The following LOC400499 variants were observed in gnomAD, a reference collection of about 807,000 sequenced individuals.
At chr16:11,457,984 C>T in the LOC400499 span, among the ~76,000 whole-genome samples, 3 of 152,176 alleles carry the variant, frequency 2.0e-5, no homozygotes, top group Admixed American at 1.3e-4. Context: ...GGTGGATCAC[C>T]TGGGTTCAGG....
At chr16:11,443,549 T>C in the LOC400499 span, 4 of 318,236 alleles carry the variant, frequency 1.3e-5, no homozygotes, top group Non-Finnish European at 2.4e-5. Flanking sequence ...GCTCCATAAA[T>C]GCTTGCTGAA....
the LOC400499 span, among the ~76,000 whole-genome samples, chr16:11,395,016 A>C: frequency 0.028 from 4,279 of 152,330 alleles, 220 homozygotes; most frequent in African/African-American, 0.097. Context: ...GAGGAGATCC[A>C]AGTTGGTAAT....
chr16:11,525,912 C>A, the LOC400499 span, among the ~76,000 whole-genome samples: 1 of 152,330 alleles, frequency 6.6e-6, no homozygotes, highest in African/African-American at 2.4e-5. Context: ...GTAATAAATT[C>A]TTCAATCAGA....
the LOC400499 span, among the ~76,000 whole-genome samples, chr16:11,464,679 C>G: frequency 6.6e-6 from 1 of 152,240 alleles, no homozygotes; most frequent in Admixed American, 6.5e-5. Flanking sequence ...GACCTCCTGT[C>G]TGCTGAAACA....
At chr16:11,419,744 T>C in the LOC400499 span, among the ~76,000 whole-genome samples, 1 of 151,966 alleles carries the variant, frequency 6.6e-6, no homozygotes, top group Non-Finnish European at 1.5e-5. Flanking sequence ...TGAACTCAAA[T>C]TTACAAGAAA....
At chr16:11,490,267 G>A in the LOC400499 span, among the ~76,000 whole-genome samples, 1 of 151,968 alleles carries the variant, frequency 6.6e-6, no homozygotes, top group African/African-American at 2.4e-5. Flanking sequence ...ATGGTGGTGT[G>A]CAGCTGTAAT....
chr16:11,386,553 A>G, the LOC400499 span, among the ~76,000 whole-genome samples: 14 of 152,316 alleles, frequency 9.2e-5, no homozygotes, highest in Admixed American at 6.5e-4. Flanking sequence ...GGGTTCCCCC[A>G]TAGACATGAG....
chr16:11,471,459 G>C, the LOC400499 span: 1 of 392,556 alleles, frequency 2.5e-6, no homozygotes, highest in East Asian at 3.6e-5. Context: ...CCTAAAGACT[G>C]ATTCAGAGTT....
the LOC400499 span, chr16:11,448,901 G>A: frequency 2.1e-6 from 3 of 1,449,258 alleles, no homozygotes; most frequent in South Asian, 1.3e-5. Flanking sequence ...TGGCTGCACG[G>A]GCCTCCTGGG....
the LOC400499 span, among the ~76,000 whole-genome samples, chr16:11,373,295 C>T: frequency 2.0e-5 from 3 of 152,172 alleles, no homozygotes; most frequent in Non-Finnish European, 2.9e-5. Context: ...AGCTACCAGG[C>T]AAAGGAAGTG....
the LOC400499 span, among the ~76,000 whole-genome samples, chr16:11,522,825 C>T: frequency 1.3e-5 from 2 of 152,220 alleles, no homozygotes; most frequent in African/African-American, 4.8e-5. Flanking sequence ...TAAAGCTGCC[C>T]AGCCTTGGGG....
the LOC400499 span, among the ~76,000 whole-genome samples, chr16:11,400,136 G>A: frequency 6.6e-6 from 1 of 151,034 alleles, no homozygotes; most frequent in African/African-American, 2.4e-5. Flanking sequence ...GCTCCTCACT[G>A]GGGCCTCCAG....
chr16:11,428,677 G>A, the LOC400499 span, among the ~76,000 whole-genome samples: 1 of 152,040 alleles, frequency 6.6e-6, no homozygotes, highest in South Asian at 2.1e-4. Flanking sequence ...ATCTTGTGGC[G>A]ACCTCCTATC....
the LOC400499 span, among the ~76,000 whole-genome samples, chr16:11,508,133 C>T: frequency 2.6e-5 from 4 of 152,210 alleles, no homozygotes; most frequent in Non-Finnish European, 5.9e-5. Flanking sequence ...CCCCCAGGGA[C>T]TGTGCCATGC....
the LOC400499 span, among the ~76,000 whole-genome samples, chr16:11,458,366 G>T: frequency 6.6e-6 from 1 of 152,016 alleles, no homozygotes; most frequent in African/African-American, 2.4e-5. Context: ...TTAGCCGTGT[G>T]TGGTGGCAGG....
chr16:11,460,361 T>A, the LOC400499 span: 1 of 1,241,846 alleles, frequency 8.1e-7, no homozygotes, highest in South Asian at 1.8e-5. Context: ...CATTCCCATA[T>A]GGCTATGTGA....
At chr16:11,514,494 C>G in the LOC400499 span, 1 of 399,468 alleles carries the variant, frequency 2.5e-6, no homozygotes, top group Admixed American at 4.4e-5. Context: ...CTCAGCACTC[C>G]GGCCCGGAAG....
At chr16:11,501,851 C>T in the LOC400499 span, among the ~76,000 whole-genome samples, 1 of 152,128 alleles carries the variant, frequency 6.6e-6, no homozygotes, top group African/African-American at 2.4e-5. Flanking sequence ...AGCTTCTGGT[C>T]TCAGGCAGGA....
At chr16:11,431,891 T>C in the LOC400499 span, among the ~76,000 whole-genome samples, 1 of 152,160 alleles carries the variant, frequency 6.6e-6, no homozygotes, top group Non-Finnish European at 1.5e-5. Flanking sequence ...TTTTGGTCAG[T>C]AGAATGTGGC....
Sources: gnomAD v4.1 joint callset for allele counts (sites outside exome capture counted in the v4.1 genomes callset) on GRCh38, gnomAD v4.1.1 for gene constraint, MANE v1.5 for transcripts.